The following MACROD2 variants were observed in gnomAD, a reference collection of about 807,000 sequenced individuals.
MACROD2 encodes the protein mono-ADP ribosylhydrolase 2.
In MACROD2, 36 loss-of-function variants were observed where a neutral mutation model predicts 70.4. The observed-to-expected ratio is 0.51, with a 90% confidence interval of 0.39 to 0.68. MACROD2 has a LOEUF of 0.68. MACROD2 is among the 30% of genes least tolerant of loss of function. The pLI, the probability that MACROD2 is intolerant of heterozygous loss-of-function variation, is 0.00. For missense variants in MACROD2, 496 were observed against 538.4 expected (o/e 0.92, Z 0.78); for synonymous variants, 172 against 178.8 (o/e 0.96, Z 0.30).
chr20:15,306,851 A>T (rs114314701), intron 6 of MACROD2, among the ~76,000 whole-genome samples: 3,034 of 152,248 alleles, frequency 0.02, 115 homozygotes, highest in African/African-American at 0.068. Context: ...GAGACTGGAT[A>T]ATTTATTAAA....
In MACROD2 at chr20:15,830,769, A is replaced by G. The variant is rs373354851; in HGVS notation, c.646-31976A>G. On this transcript the variant is annotated intron_variant, in intron 8 of 17. Coordinates refer to ENST00000684519, the MANE Select transcript of MACROD2 (RefSeq NM_001351661.2). ...TAAGTCATATTATGAAAAGGAAATT[A>G]AATGTATCCATCAAATGAGATAATA... 3.9e-5 allele frequency among the ~76,000 whole-genome samples: 6 copies of G among 152,396 alleles called. No homozygotes were observed. The South Asian group carries it at 1.2e-3, about 32-fold the overall frequency.
intron 8 of MACROD2, among the ~76,000 whole-genome samples, chr20:15,620,132 C>T (rs569479370): frequency 6.6e-6 from 1 of 152,276 alleles, no homozygotes; most frequent in African/African-American, 2.4e-5. Flanking sequence ...AGATATGTGA[C>T]TGCATGGAGA....
At chr20:14,242,363 C>G (rs2081936952) in intron 3 of MACROD2, among the ~76,000 whole-genome samples, 1 of 152,096 alleles carries the variant, frequency 6.6e-6, no homozygotes, top group South Asian at 2.1e-4. Flanking sequence ...TTCCTGCACA[C>G]ACAGTATTTG....
intron 5 of MACROD2, among the ~76,000 whole-genome samples, chr20:15,114,237 G>T (rs1015080333): frequency 3.9e-5 from 6 of 152,186 alleles, no homozygotes; most frequent in African/African-American, 1.4e-4. Context: ...CCCAGAATGA[G>T]CAGGGCTCTT....
At chr20:14,473,099 A>G (rs992113386) in intron 3 of MACROD2, among the ~76,000 whole-genome samples, 1 of 152,208 alleles carries the variant, frequency 6.6e-6, no homozygotes, top group Non-Finnish European at 1.5e-5. Context: ...CAATACATGT[A>G]TACAATATGT....
intron 3 of MACROD2, among the ~76,000 whole-genome samples, chr20:14,428,493 T>A (rs796166445): frequency 2.0e-4 from 30 of 152,278 alleles, no homozygotes; most frequent in African/African-American, 7.2e-4. Context: ...CTTTTCAGAT[T>A]AGGCATATTG....
rs116177517 is a variant in MACROD2 at position 15,401,818 on chromosome 20, G to A, written c.541-29587G>A. Among the ~76,000 whole-genome samples the A allele has an allele frequency of 1.4e-3, 208 of 152,294 alleles. 1 individual carries two copies. Among genetic ancestry groups the A allele is most frequent in the African/African-American group, 4.7e-3 (197 of 41,566 alleles). ...GTAGATTTCAGAGCTGGACAAAGGT[G>A]ACCAGGCGGTCAGATGGAGACCTTG... On this transcript the variant is annotated intron_variant, in intron 6 of 17. Coordinates refer to ENST00000684519, the MANE Select transcript of MACROD2 (RefSeq NM_001351661.2).
At chr20:14,424,346 T>C (rs748072204) in intron 3 of MACROD2, among the ~76,000 whole-genome samples, 1 of 152,196 alleles carries the variant, frequency 6.6e-6, no homozygotes, top group Non-Finnish European at 1.5e-5. Context: ...TGAAGGTTAT[T>C]AGCAAGAAGT....
intron 8 of MACROD2, among the ~76,000 whole-genome samples, chr20:15,848,047 T>C (rs535400840): frequency 6.6e-6 from 1 of 152,328 alleles, no homozygotes; most frequent in East Asian, 1.9e-4. Flanking sequence ...TCTTTCCCTT[T>C]CCATTCCCTT....
At chr20:14,544,934 C>T (rs1304304707) in intron 4 of MACROD2, among the ~76,000 whole-genome samples, 4 of 152,144 alleles carry the variant, frequency 2.6e-5, no homozygotes, top group Non-Finnish European at 4.4e-5. Context: ...GAGAAGCTTT[C>T]AGGCAATGAA....
At chr20:15,564,381 A>G (rs1382805010) in intron 8 of MACROD2, among the ~76,000 whole-genome samples, 1 of 152,212 alleles carries the variant, frequency 6.6e-6, no homozygotes, top group Admixed American at 6.5e-5. Flanking sequence ...GATGAAAAAG[A>G]TGGTGTGCTC....
At chr20:15,209,124 T>G (rs867238422) in intron 5 of MACROD2, among the ~76,000 whole-genome samples, 1 of 119,592 alleles carries the variant, frequency 8.4e-6, no homozygotes. Flanking sequence ...GGTATTTATT[T>G]ATTTATTTAT....
At chr20:14,572,057 T>A (rs931159488) in intron 4 of MACROD2, among the ~76,000 whole-genome samples, 1 of 152,050 alleles carries the variant, frequency 6.6e-6, no homozygotes, top group Non-Finnish European at 1.5e-5. Flanking sequence ...ATCCCAGACC[T>A]CTTGACATTT....
At chr20:15,581,332 G>A (rs1487028629) in intron 8 of MACROD2, among the ~76,000 whole-genome samples, 1 of 152,182 alleles carries the variant, frequency 6.6e-6, no homozygotes, top group African/African-American at 2.4e-5. Flanking sequence ...TGTCACCCAA[G>A]CCCTGCTTCT....
At chr20:15,096,487 A>AAT (rs1043760635) in intron 5 of MACROD2, among the ~76,000 whole-genome samples, 34 of 148,074 alleles carry the variant, frequency 2.3e-4, no homozygotes, top group Admixed American at 7.5e-4. Context: ...TATATATATA[A>AAT]ATATATATAA....
At chr20:14,737,608 A>C (rs1345714698) in intron 5 of MACROD2, among the ~76,000 whole-genome samples, 1 of 152,142 alleles carries the variant, frequency 6.6e-6, no homozygotes, top group African/African-American at 2.4e-5. Flanking sequence ...CATCCTCTCC[A>C]GCATCTATTG....
Position 14,326,668 on chromosome 20 carries a change from T to C in MACROD2, c.272-166811T>C. ...CTGAGGTAAATTACTTAGGTTATTA[T>C]TGGACATATCCAGTCGATAGAGCTG... On this transcript the variant is annotated intron_variant, in intron 3 of 17. Coordinates refer to ENST00000684519, the MANE Select transcript of MACROD2 (RefSeq NM_001351661.2). This position sits in a 1 kb window ranked among gnomAD's most constrained non-coding sequence, Gnocchi z 5.5. 1 of 1,613,814 alleles carries C rather than the reference T, an allele frequency of 6.2e-7. No individual in the cohort carries two copies. The highest frequency in any genetic ancestry group is 1.1e-5 in the South Asian group (1 of 91,078).
At chr20:14,452,609 G>C (rs1420356662) in intron 3 of MACROD2, among the ~76,000 whole-genome samples, 1 of 152,124 alleles carries the variant, frequency 6.6e-6, no homozygotes, top group Non-Finnish European at 1.5e-5. Context: ...AGTCGGGTCT[G>C]AGAACTGCAT....
intron 8 of MACROD2, among the ~76,000 whole-genome samples, chr20:15,634,149 T>C (rs768979889): frequency 1.3e-5 from 2 of 152,232 alleles, no homozygotes; most frequent in African/African-American, 2.4e-5. Context: ...ATTCATGGGT[T>C]TCTTAGTTCT....
Sources: gnomAD v4.1 joint callset for allele counts (sites outside exome capture counted in the v4.1 genomes callset) on GRCh38, gnomAD v4.1.1 for gene constraint, Gnocchi (gnomAD v3.1) non-coding constraint, MANE v1.5 for transcripts, NCBI Gene and HGNC (gene_info 2026-07-23, HGNC 2026-07-21) for gene names.